The following PTGER3 variants were observed in gnomAD, a reference collection of about 807,000 sequenced individuals.
The protein encoded by PTGER3 is prostaglandin E receptor 3.
PTGER3 carries 22 observed loss-of-function variants against 34.7 expected under a neutral mutation model. The ratio of observed to expected loss-of-function variants is 0.63; its 90% confidence interval spans 0.45 to 0.91. PTGER3 has a LOEUF of 0.91. Ranked by LOEUF, PTGER3 falls within the 40% of genes least tolerant of loss-of-function variation. PTGER3 has a pLI of 0.00. For synonymous variants in PTGER3, 241 were observed against 230.1 expected, an observed-to-expected ratio of 1.05 and a Z score of -0.43; for missense variants, 468 against 519.4, an observed-to-expected ratio of 0.90 and a Z score of 0.96.
downstream of PTGER3, among the ~76,000 whole-genome samples, chr1:70,968,778 TTAAAC>T (rs1306004766): frequency 6.6e-6 from 1 of 151,882 alleles, no homozygotes; most frequent in Admixed American, 6.6e-5. Flanking sequence ...ACATCAGATT[TTAAAC>T]TAATTGGACA....
At chr1:70,854,059 T>C (rs900377120) in intron 4 of PTGER3, among the ~76,000 whole-genome samples, 1 of 152,162 alleles carries the variant, frequency 6.6e-6, no homozygotes, top group African/African-American at 2.4e-5. Context: ...AACAGTGGAT[T>C]TGGCAATGTT....
At chr1:71,039,830 A>G (rs1660150069) in intron 1 of PTGER3, among the ~76,000 whole-genome samples, 1 of 152,068 alleles carries the variant, frequency 6.6e-6, no homozygotes, top group South Asian at 2.1e-4. Flanking sequence ...AGAAAGGTCT[A>G]TCTCAACACA....
intron 1 of PTGER3, among the ~76,000 whole-genome samples, chr1:71,021,067 CAA>C (rs1425767483): frequency 6.6e-6 from 1 of 151,778 alleles, no homozygotes; most frequent in Non-Finnish European, 1.5e-5. Context: ...ACAAACAGAA[CAA>C]AAAAATGCTT....
At chr1:70,894,632 T>G (rs1341884928) in intron 4 of PTGER3, among the ~76,000 whole-genome samples, 2 of 152,204 alleles carry the variant, frequency 1.3e-5, no homozygotes, top group Non-Finnish European at 1.5e-5. Flanking sequence ...AGTGCTATTA[T>G]GGATAACAAT....
chr1:70,911,332 G>A (rs938545752), intron 4 of PTGER3, among the ~76,000 whole-genome samples: 1 of 151,536 alleles, frequency 6.6e-6, no homozygotes, highest in Non-Finnish European at 1.5e-5. Context: ...CACAGTTACA[G>A]TGACATTTTT....
chr1:70,912,885 CT>C, intron 4 of PTGER3, among the ~76,000 whole-genome samples: 1 of 152,064 alleles, frequency 6.6e-6, no homozygotes, highest in Non-Finnish European at 1.5e-5. Flanking sequence ...TATTACAATG[CT>C]TTTTATTTAA....
intron 2 of PTGER3, among the ~76,000 whole-genome samples, chr1:70,981,389 TTCTTTCCTTCC>T (rs1654338101): frequency 1.5e-5 from 1 of 65,438 alleles, no homozygotes; most frequent in Admixed American, 1.9e-4. Flanking sequence ...CTTTCTTTCT[TTCTTTCCTTCC>T]TTCCTTCCTT....
At chr1:70,917,865 C>T (rs768298343) in intron 4 of PTGER3, among the ~76,000 whole-genome samples, 2 of 151,984 alleles carry the variant, frequency 1.3e-5, no homozygotes, top group Non-Finnish European at 2.9e-5. Context: ...CTATCTACTT[C>T]GTTCTTTTGC....
exon 5 of PTGER3, chr1:70,852,549 T>A (rs1645703976): frequency 2.2e-6 from 1 of 445,804 alleles, no homozygotes; most frequent in Non-Finnish European, 3.9e-6. Flanking sequence ...GAAACATAAT[T>A]TTCAATAAAA....
At chr1:70,900,394 G>A (rs1238147680) in intron 4 of PTGER3, among the ~76,000 whole-genome samples, 1 of 152,090 alleles carries the variant, frequency 6.6e-6, no homozygotes, top group African/African-American at 2.4e-5. Flanking sequence ...CTGAGTGTCA[G>A]CCTCTTTTAC....
At chr1:70,964,010 G>A (rs572278931) in intron 2 of PTGER3, among the ~76,000 whole-genome samples, 7 of 152,262 alleles carry the variant, frequency 4.6e-5, no homozygotes, top group African/African-American at 1.2e-4. Flanking sequence ...GCTAAAAGCC[G>A]TCAGTCTCTT....
intron 2 of PTGER3, among the ~76,000 whole-genome samples, chr1:70,963,938 T>A (rs1572780718): frequency 6.6e-6 from 1 of 152,198 alleles, no homozygotes; most frequent in East Asian, 1.9e-4. Context: ...AGAAATTTCT[T>A]CCACCAGATA....
At chr1:70,966,799 A>T (rs1652569608), downstream of PTGER3, among the ~76,000 whole-genome samples, 1 of 152,082 alleles carries the variant, frequency 6.6e-6, no homozygotes, top group African/African-American at 2.4e-5. Context: ...TTATGACTGC[A>T]TAGTATTCCA....
chr1:71,035,558 G>A (rs1659747023), intron 1 of PTGER3, among the ~76,000 whole-genome samples: 1 of 152,186 alleles, frequency 6.6e-6, no homozygotes, highest in Non-Finnish European at 1.5e-5. Flanking sequence ...TCTGTCCTCA[G>A]TACTCGAGGG....
chr1:70,987,866 TAC>T (rs1230263075), intron 2 of PTGER3, among the ~76,000 whole-genome samples: 1 of 152,218 alleles, frequency 6.6e-6, no homozygotes, highest in Non-Finnish European at 1.5e-5. Context: ...ACTCATTGAT[TAC>T]ATATCTTTCA....
intron 4 of PTGER3, among the ~76,000 whole-genome samples, chr1:70,870,885 G>T (rs1218512668): frequency 1.3e-5 from 2 of 152,160 alleles, no homozygotes; most frequent in African/African-American, 4.8e-5. Flanking sequence ...CATTTAATGG[G>T]TTTCTAAAAA....
intron 4 of PTGER3, among the ~76,000 whole-genome samples, chr1:70,879,467 C>T (rs1003722046): frequency 7.9e-5 from 12 of 152,032 alleles, no homozygotes; most frequent in African/African-American, 2.9e-4. Context: ...GGCTGATGGT[C>T]GAACTCCCAA....
intron 2 of PTGER3, among the ~76,000 whole-genome samples, chr1:70,997,829 T>C (rs1197477855): frequency 6.6e-6 from 1 of 152,228 alleles, no homozygotes; most frequent in Admixed American, 6.5e-5. Flanking sequence ...AATTCCAATA[T>C]TGTAGCCATA....
At chr1:70,996,380 C>A (rs1342734407) in intron 2 of PTGER3, among the ~76,000 whole-genome samples, 1 of 151,952 alleles carries the variant, frequency 6.6e-6, no homozygotes, top group African/African-American at 2.4e-5. Context: ...TTTAAAAAAA[C>A]TTCCCTGTTT....
Sources: allele counts gnomAD v4.1 joint callset (sites outside exome capture counted in the v4.1 genomes callset), GRCh38; gene constraint gnomAD v4.1.1; transcripts MANE v1.5; gene names NCBI Gene and HGNC (gene_info 2026-07-23, HGNC 2026-07-21).